Variants in SCRG1 observed in about 807,000 individuals in gnomAD.
The protein encoded by SCRG1 is stimulator of chondrogenesis 1, also known as scrapie-responsive protein 1.
Under a neutral mutation model 7.7 loss-of-function variants are expected in SCRG1, and 3 were observed. The ratio of observed to expected loss-of-function variants is 0.39; its 90% CI spans 0.18 to 1.01. The LOEUF (loss-of-function observed/expected upper bound fraction) is 1.01. Among genes scored for constraint, SCRG1 ranks in the 50% least tolerant of loss-of-function variants. The pLI is 0.36. For synonymous variants in SCRG1, 46 were observed against 41.2 expected, an observed-to-expected ratio of 1.12 and a Z score of -0.44; for missense variants, 110 against 117.2, an observed-to-expected ratio of 0.94 and a Z score of 0.28.
At chr4:173,416,693 C>T in the SCRG1 span, among the ~76,000 whole-genome samples, 1 of 152,272 alleles carries the variant, frequency 6.6e-6, no homozygotes, top group East Asian at 1.9e-4. Flanking sequence ...TAGAAAGCGT[C>T]TGGGGCTATC....
At chr4:173,515,839 G>A in the SCRG1 span, among the ~76,000 whole-genome samples, 2 of 152,168 alleles carry the variant, frequency 1.3e-5, no homozygotes, top group African/African-American at 4.8e-5. This position sits in a 1 kb window ranked among gnomAD's most constrained non-coding sequence, Gnocchi z 4.6. Context: ...AAGAAGTGGG[G>A]TGGGGACGTA....
the SCRG1 span, among the ~76,000 whole-genome samples, chr4:173,474,100 G>A: frequency 7.9e-5 from 12 of 152,126 alleles, no homozygotes; most frequent in African/African-American, 2.9e-4. Flanking sequence ...GAATCCAGGA[G>A]GCAGAGGTTG....
chr4:173,431,001 TA>T, the SCRG1 span, among the ~76,000 whole-genome samples: 2 of 152,098 alleles, frequency 1.3e-5, no homozygotes, highest in African/African-American at 4.8e-5. Flanking sequence ...AAAAACTTCC[TA>T]AACTACCTAG....
chr4:173,504,705 G>GACA, the SCRG1 span, among the ~76,000 whole-genome samples: 7 of 152,304 alleles, frequency 4.6e-5, no homozygotes, highest in South Asian at 1.5e-3. The surrounding 1 kb of genome is among the most constrained non-coding windows in gnomAD (Gnocchi z 4.7). Context: ...GACCACTGGA[G>GACA]TCCCTGCCAG....
At chr4:173,512,564 G>C in the SCRG1 span, among the ~76,000 whole-genome samples, 4 of 152,232 alleles carry the variant, frequency 2.6e-5, no homozygotes, top group African/African-American at 9.6e-5. Context: ...ACAAGGATAA[G>C]GGAAGGAGCA....
At chr4:173,474,441 T>C in the SCRG1 span, among the ~76,000 whole-genome samples, 1 of 152,232 alleles carries the variant, frequency 6.6e-6, no homozygotes, top group South Asian at 2.1e-4. Flanking sequence ...GTTATGAAAA[T>C]AAAACTTGAA....
At chr4:173,419,882 G>A in the SCRG1 span, 26 of 1,009,256 alleles carry the variant, frequency 2.6e-5, no homozygotes, top group Middle Eastern at 3.1e-4. Context: ...AGTACAATAC[G>A]CTGCAGCATA....
chr4:173,388,230 T>C lies in SCRG1; in HGVS notation c.*111A>G. On this transcript the variant is annotated 3_prime_UTR_variant, in exon 3 of 3. Transcript: ENST00000296506. The stretch of plus-strand genomic sequence containing the variant: ...TACTTGTCTTAGACAAGTAAGAATT[T>C]ATAGAATCTATGCTCTATTGCACTA... 2 of 607,368 alleles carry C rather than the reference T, an allele frequency of 3.3e-6. No homozygotes were observed. Among genetic ancestry groups the C allele is most frequent in the Non-Finnish European group, 2.8e-6 (1 of 356,964 alleles). 37.6% of individuals were successfully genotyped at this position (607,368 alleles called of 1,614,324 possible). A position where few individuals can be genotyped will look rare whatever the true frequency, so the allele number is the denominator to read the frequency against.
chr4:173,426,802 G>A, the SCRG1 span, among the ~76,000 whole-genome samples: 1 of 152,132 alleles, frequency 6.6e-6, no homozygotes, highest in East Asian at 1.9e-4. Context: ...GATTTGGAAA[G>A]CTTATTTGGA....
chr4:173,455,255 G>A, the SCRG1 span, among the ~76,000 whole-genome samples: 34 of 152,018 alleles, frequency 2.2e-4, no homozygotes, highest in African/African-American at 8.0e-4. Flanking sequence ...ATATATTAAG[G>A]GGGTATTAAA....
chr4:173,503,452 G>A, the SCRG1 span, among the ~76,000 whole-genome samples: 5 of 152,292 alleles, frequency 3.3e-5, no homozygotes, highest in African/African-American at 7.2e-5. This position sits in a 1 kb window ranked among gnomAD's most constrained non-coding sequence, Gnocchi z 6.4. Context: ...AGAGAAGGAC[G>A]TGAAGTTCCC....
chr4:173,482,867 ATATATTT>A, the SCRG1 span, among the ~76,000 whole-genome samples: 4 of 141,992 alleles, frequency 2.8e-5, no homozygotes, highest in African/African-American at 1.0e-4. Flanking sequence ...TATATTTCAT[ATATATTT>A]TTTATATGTT....
upstream of SCRG1, chr4:173,399,313 T>C (rs1379053458): frequency 6.6e-6 from 1 of 152,204 alleles, no homozygotes; most frequent in Non-Finnish European, 1.5e-5. Flanking sequence ...GTTCAGTTTG[T>C]TCCAAACCAG....
chr4:173,392,030 G>T (rs1270817175), intron 1 of SCRG1, among the ~76,000 whole-genome samples: 1 of 152,184 alleles, frequency 6.6e-6, no homozygotes, highest in Non-Finnish European at 1.5e-5. Flanking sequence ...GAGAACAACT[G>T]TTTTTTAAGG....
chr4:173,456,999 G>A, the SCRG1 span, among the ~76,000 whole-genome samples: 1 of 152,192 alleles, frequency 6.6e-6, no homozygotes, highest in Admixed American at 6.5e-5. Flanking sequence ...AGCTGTGAAA[G>A]GGCTCAGAGA....
the SCRG1 span, among the ~76,000 whole-genome samples, chr4:173,509,103 AC>A: frequency 6.6e-6 from 1 of 152,204 alleles, no homozygotes; most frequent in Non-Finnish European, 1.5e-5. This position sits in a 1 kb window ranked among gnomAD's most constrained non-coding sequence, Gnocchi z 5.7. Context: ...CTTCACGAGT[AC>A]TAAGGAGGAG....
the SCRG1 span, among the ~76,000 whole-genome samples, chr4:173,503,451 C>T: frequency 3.9e-5 from 6 of 152,134 alleles, no homozygotes; most frequent in Admixed American, 6.5e-5. The surrounding 1 kb of genome is among the most constrained non-coding windows in gnomAD (Gnocchi z 6.4). Context: ...GAGAGAAGGA[C>T]GTGAAGTTCC....
the SCRG1 span, among the ~76,000 whole-genome samples, chr4:173,430,751 A>G: frequency 5.7e-5 from 8 of 141,542 alleles, no homozygotes; most frequent in Admixed American, 1.5e-4. Context: ...ATGCTATGGT[A>G]AGCCATGATC....
the SCRG1 span, among the ~76,000 whole-genome samples, chr4:173,441,672 G>A: frequency 6.6e-6 from 1 of 152,198 alleles, no homozygotes. Flanking sequence ...CTAGATGTGA[G>A]GCAATTAAGA....
Sources: allele counts gnomAD v4.1 joint callset (sites outside exome capture counted in the v4.1 genomes callset), GRCh38; gene constraint gnomAD v4.1.1; non-coding constraint Gnocchi (gnomAD v3.1); transcripts MANE v1.5; gene names NCBI Gene and HGNC (gene_info 2026-07-23, HGNC 2026-07-21).